TIMM23B: variants seen among roughly 807,000 people sequenced by gnomAD.
The protein encoded by TIMM23B is translocase of inner mitochondrial membrane 23 homolog B.
In TIMM23B, 27 loss-of-function variants were observed where a neutral mutation model predicts 27.3. The ratio of observed to expected loss-of-function variants is 0.99; its 90% CI spans 0.73 to 1.36. The LOEUF is 1.36. Among genes scored for constraint, TIMM23B ranks in the 40% most tolerant of loss-of-function variants. The pLI, the probability that TIMM23B is intolerant of heterozygous loss-of-function variation, is 0.00. For missense variants in TIMM23B, 205 were observed against 244.2 expected (o/e 0.84, Z 1.07); for synonymous variants, 73 against 92.4 (o/e 0.79, Z 1.21).
chr10:49,954,779 G>C (rs1160752892), intron 4 of TIMM23B, among the ~76,000 whole-genome samples: 2 of 149,262 alleles, frequency 1.3e-5, no homozygotes, highest in Non-Finnish European at 3.0e-5. Flanking sequence ...TTATATAAAA[G>C]TCCTTAAGAC....
At chr10:49,962,508 A>C (rs2132042772) in intron 6 of TIMM23B, among the ~76,000 whole-genome samples, 1 of 152,136 alleles carries the variant, frequency 6.6e-6, no homozygotes, top group East Asian at 1.9e-4. Context: ...GCCAAGCCAG[A>C]TTCTTTAAAG....
intron 2 of TIMM23B, among the ~76,000 whole-genome samples, chr10:49,949,031 A>G (rs1376802673): frequency 6.6e-6 from 1 of 152,010 alleles, no homozygotes; most frequent in African/African-American, 2.4e-5. Flanking sequence ...AGGGCTGCAG[A>G]TGAACACCAC....
intron 2 of TIMM23B, among the ~76,000 whole-genome samples, chr10:49,951,779 A>T (rs1350750159): frequency 6.6e-6 from 1 of 152,194 alleles, no homozygotes; most frequent in Non-Finnish European, 1.5e-5. Context: ...AATGAAAGTT[A>T]TTTGTTTCTT....
intron 5 of TIMM23B, among the ~76,000 whole-genome samples, chr10:49,957,429 T>C (rs1404938036): frequency 6.6e-6 from 1 of 151,904 alleles, no homozygotes; most frequent in Admixed American, 6.6e-5. Context: ...TTTTAAAAAT[T>C]TTTTTGGAGA....
chr10:49,948,314 C>T (rs1469058242), intron 2 of TIMM23B, among the ~76,000 whole-genome samples: 1 of 152,074 alleles, frequency 6.6e-6, no homozygotes, highest in Admixed American at 6.6e-5. Context: ...CTGGCAGTTT[C>T]TCAAAGTGTT....
chr10:49,956,855 C>T (rs1342135619), intron 5 of TIMM23B, among the ~76,000 whole-genome samples: 1 of 147,500 alleles, frequency 6.8e-6, no homozygotes, highest in African/African-American at 2.4e-5. Flanking sequence ...AATATAATTG[C>T]CATACTGACT....
At chr10:49,963,255 C>T (rs1329882303) in intron 6 of TIMM23B, among the ~76,000 whole-genome samples, 2 of 151,736 alleles carry the variant, frequency 1.3e-5, no homozygotes, top group East Asian at 3.9e-4. Context: ...GGTGTGGTGG[C>T]ACACTCCAGC....
At chr10:49,952,003 A>G in intron 2 of TIMM23B, 123 bp from the exon 3 acceptor site, 1 of 671,754 alleles carries the variant, frequency 1.5e-6, no homozygotes, top group Non-Finnish European at 2.6e-6. Context: ...TTGTTTAAGT[A>G]TAGGTTTGAG....
At chr10:49,955,135 C>G in intron 5 of TIMM23B, 75 bp downstream of exon 5, 1 of 1,472,060 alleles carries the variant, frequency 6.8e-7, no homozygotes, top group Non-Finnish European at 9.5e-7. Context: ...ACAATTTGAT[C>G]AACCCATATT....
At chr10:49,944,048 A>G (rs1183896586) in intron 1 of TIMM23B, among the ~76,000 whole-genome samples, 4,229 of 152,310 alleles carry the variant, frequency 0.028, 208 homozygotes, top group African/African-American at 0.097. Flanking sequence ...TGTTTAAGGA[A>G]CAGCTCTTAG....
rs1461715667 is a variant in TIMM23B at position 49,952,204 on chromosome 10, G to A, written c.244G>A (p.Gly82Arg). The A allele has an allele frequency of 1.1e-5, 18 of 1,606,188 alleles. No individual in the cohort carries two copies. Among genetic ancestry groups the A allele is most frequent in the Admixed American group, 1.7e-5 (1 of 59,998 alleles). The change falls in exon 3 of 7, where the codon GGG becomes AGG. Residue 82 changes from glycine to arginine, a missense_variant. Transcript: ENST00000651259. ...TGAGCTGGCCTTCTTTACGATTGGA[G>A]GGTGTTGCATGACAGGTGAGTGTTA... ...RFELAFFTIG[G>R]CCMTGAAFGA...
chr10:49,942,423 C>T lies in TIMM23B; in HGVS notation c.106+123C>T, dbSNP rs1458284694. On this transcript the variant is annotated intron_variant, in intron 1 of 6. Coordinates refer to ENST00000651259, the MANE Select transcript of TIMM23B (RefSeq NM_001290117.2). Reference sequence around the variant, plus strand: ...TTGCTGGCGTTTACAAGCTTAAGTACCAGTGGTGGGGTTAGTGTATCTGCA... The same window carrying T: ...TTGCTGGCGTTTACAAGCTTAAGTATCAGTGGTGGGGTTAGTGTATCTGCA... The T allele has an allele frequency of 7.9e-6, 12 of 1,522,076 alleles. No individual in the cohort carries two copies. The African/African-American group carries it at 1.5e-4, about 19-fold the overall frequency. The allele number at this position is 1,522,076 out of a possible 1,614,324, so 94.3% of individuals were successfully genotyped here.
chr10:49,950,725 A>G (rs1839502951), intron 2 of TIMM23B, among the ~76,000 whole-genome samples: 1 of 151,744 alleles, frequency 6.6e-6, no homozygotes, highest in Non-Finnish European at 1.5e-5. Context: ...GTATTTTAGT[A>G]GAGACGGGGT....
chr10:49,942,829 T>A (rs1302049562), intron 1 of TIMM23B, among the ~76,000 whole-genome samples: 5 of 152,078 alleles, frequency 3.3e-5, no homozygotes, highest in African/African-American at 1.2e-4. Flanking sequence ...TATATAGACA[T>A]GAAGAAAGAA....
intron 6 of TIMM23B, among the ~76,000 whole-genome samples, chr10:49,964,189 TGAAATGAAATGAAATGAAATGAA>T (rs1391769598): frequency 4.3e-3 from 608 of 142,944 alleles, no homozygotes; most frequent in East Asian, 0.017. Flanking sequence ...CATCTTGAAG[TGAAATGAAATGAAATGAAATGAA>T]GAAATGAAAT....
chr10:49,964,078 TTGAATG>T (rs1329227309), intron 6 of TIMM23B, among the ~76,000 whole-genome samples: 4 of 150,654 alleles, frequency 2.7e-5, no homozygotes, highest in African/African-American at 9.8e-5. Context: ...TGGATTGAAA[TTGAATG>T]GGAATGGGAA....
At chr10:49,959,359 A>G (rs1376796146) in intron 6 of TIMM23B, among the ~76,000 whole-genome samples, 1 of 152,206 alleles carries the variant, frequency 6.6e-6, no homozygotes, top group Non-Finnish European at 1.5e-5. Flanking sequence ...CTTCCCTGTA[A>G]GTCAATTTAG....
At chr10:49,949,197 C>CTTTT (rs1318050672) in intron 2 of TIMM23B, among the ~76,000 whole-genome samples, 2 of 106,582 alleles carry the variant, frequency 1.9e-5, no homozygotes, top group African/African-American at 3.5e-5. Context: ...CATGCCTGGC[C>CTTTT]TTTTTTTTTT....
Position 49,952,462 on chromosome 10 carries a change from G to A in TIMM23B, c.273G>A (p.Gly91=), listed in dbSNP as rs1839564333. 1.4e-5 allele frequency: 22 copies of A among 1,613,290 alleles called. No homozygotes were observed. Among genetic ancestry groups the A allele is most frequent in the Non-Finnish European group, 1.8e-5 (21 of 1,179,512 alleles). ...GGCCMTGAAF[G]AMNGLRLGLK... Reference sequence around the variant, plus strand: ...ATGATTTACCAGGGGCTGCGTTTGGGGCAATGAATGGTCTTCGGCTAGGAT... The same window carrying A: ...ATGATTTACCAGGGGCTGCGTTTGGAGCAATGAATGGTCTTCGGCTAGGAT... The change falls in exon 4 of 7, where the codon GGG becomes GGA. Residue 91 remains glycine (G), a synonymous_variant. Transcript: ENST00000651259.
Sources: allele counts gnomAD v4.1 joint callset (sites outside exome capture counted in the v4.1 genomes callset), GRCh38; gene constraint gnomAD v4.1.1; transcripts MANE v1.5; gene names NCBI Gene and HGNC (gene_info 2026-07-23, HGNC 2026-07-21).